Variants in ADAMTSL1 observed in about 807,000 individuals in gnomAD.
ADAMTSL1 encodes the protein ADAMTS-like protein 1.
Under a neutral mutation model 201.8 loss-of-function variants are expected in ADAMTSL1, and 126 were observed. The ratio of observed to expected loss-of-function variants is 0.62; its 90% confidence interval spans 0.54 to 0.72. ADAMTSL1 has a LOEUF of 0.72. Among genes scored for constraint, ADAMTSL1 ranks in the 30% least tolerant of loss-of-function variants. The pLI, the probability that ADAMTSL1 is intolerant of heterozygous loss-of-function variation, is 0.00. For missense variants in ADAMTSL1, 2,679 were observed against 2,277.8 expected (o/e 1.18, Z -3.59); for synonymous variants, 1,121 against 903.4 (o/e 1.24, Z -4.32).
intron 15 of ADAMTSL1, among the ~76,000 whole-genome samples, chr9:18,749,848 G>A (rs746627832): frequency 3.0e-4 from 46 of 152,216 alleles, no homozygotes; most frequent in Non-Finnish European, 8.8e-5. Flanking sequence ...TTTTATCAGG[G>A]CAGGCAGATA....
chr9:18,417,829 C>G (rs776732738), intron 2 of ADAMTSL1, among the ~76,000 whole-genome samples: 2 of 152,216 alleles, frequency 1.3e-5, no homozygotes, highest in African/African-American at 4.8e-5. Context: ...TACCCAATCT[C>G]TTCCAGCAGG....
chr9:18,269,007 G>C (rs1465978985), intron 2 of ADAMTSL1, among the ~76,000 whole-genome samples: 1 of 151,966 alleles, frequency 6.6e-6, no homozygotes, highest in Non-Finnish European at 1.5e-5. Context: ...ATTTCTTATA[G>C]TTTTGAAGTT....
At chr9:18,561,663 A>C (rs376611375) in intron 3 of ADAMTSL1, among the ~76,000 whole-genome samples, 14 of 152,294 alleles carry the variant, frequency 9.2e-5, no homozygotes, top group Admixed American at 8.5e-4. Flanking sequence ...GTGGGATTCT[A>C]AGTCTCTTTT....
chr9:18,474,752 C>T (rs191151726), intron 1 of ADAMTSL1, among the ~76,000 whole-genome samples: 1 of 152,242 alleles, frequency 6.6e-6, no homozygotes, highest in African/African-American at 2.4e-5. Flanking sequence ...TACTATGGAA[C>T]CAGGTAAAGA....
At chr9:18,692,429 A>C (rs892330172) in intron 13 of ADAMTSL1, among the ~76,000 whole-genome samples, 2 of 151,894 alleles carry the variant, frequency 1.3e-5, no homozygotes, top group African/African-American at 4.8e-5. Context: ...CTGTCACCGC[A>C]GTTGCTCGTT....
At chr9:18,448,958 T>A (rs1820303038) in intron 2 of ADAMTSL1, among the ~76,000 whole-genome samples, 1 of 152,114 alleles carries the variant, frequency 6.6e-6, no homozygotes, top group South Asian at 2.1e-4. Context: ...ATATAAATTT[T>A]TATACTATGC....
chr9:18,901,707 A>G (rs1588350894), intron 26 of ADAMTSL1, among the ~76,000 whole-genome samples: 3 of 152,204 alleles, frequency 2.0e-5, no homozygotes, highest in African/African-American at 7.2e-5. Context: ...CTATAAAAAA[A>G]CAACTAATCA....
At chr9:18,861,866 C>T (rs770474404) in intron 23 of ADAMTSL1, among the ~76,000 whole-genome samples, 2 of 152,298 alleles carry the variant, frequency 1.3e-5, no homozygotes, top group African/African-American at 2.4e-5. Context: ...GCTCTCATCC[C>T]TACTTCAGCT....
At chr9:18,592,396 A>G (rs1823981224) in intron 4 of ADAMTSL1, among the ~76,000 whole-genome samples, 1 of 152,166 alleles carries the variant, frequency 6.6e-6, no homozygotes, top group South Asian at 2.1e-4. Flanking sequence ...GTACCCACTT[A>G]TCAAGCTTTA....
intron 14 of ADAMTSL1, among the ~76,000 whole-genome samples, chr9:18,714,167 C>G (rs987332393): frequency 6.6e-6 from 1 of 152,054 alleles, no homozygotes; most frequent in Admixed American, 6.6e-5. Flanking sequence ...AAAATTGACA[C>G]CCTAACATCA....
chr9:18,310,544 G>C (rs1363374961), intron 2 of ADAMTSL1, among the ~76,000 whole-genome samples: 1 of 151,850 alleles, frequency 6.6e-6, no homozygotes, highest in Non-Finnish European at 1.5e-5. Flanking sequence ...GTGGGCAAAG[G>C]ATATGAACAG....
chr9:18,576,005 C>T (rs1166998467), intron 4 of ADAMTSL1, among the ~76,000 whole-genome samples: 1 of 152,026 alleles, frequency 6.6e-6, no homozygotes, highest in Non-Finnish European at 1.5e-5. Flanking sequence ...ATCTCAGTTG[C>T]TAAGGAATAA....
intron 2 of ADAMTSL1, among the ~76,000 whole-genome samples, chr9:18,446,648 G>T (rs1447235962): frequency 6.6e-6 from 1 of 152,194 alleles, no homozygotes; most frequent in Non-Finnish European, 1.5e-5. Flanking sequence ...AGGCATATTG[G>T]TCCTAGAACA....
intron 2 of ADAMTSL1, among the ~76,000 whole-genome samples, chr9:18,234,822 T>C (rs1830777809): frequency 6.6e-6 from 1 of 152,238 alleles, no homozygotes; most frequent in Admixed American, 6.5e-5. Context: ...CCCAGTCTAT[T>C]AAAAGTATCC....
chr9:18,132,966 G>A (rs1483945464), intron 1 of ADAMTSL1, among the ~76,000 whole-genome samples: 1 of 152,066 alleles, frequency 6.6e-6, no homozygotes, highest in Non-Finnish European at 1.5e-5. Flanking sequence ...AAGGAGGTAG[G>A]GTTTAGATTC....
chr9:17,919,738 T>C (rs1375732392), intron 1 of ADAMTSL1, among the ~76,000 whole-genome samples: 2 of 152,160 alleles, frequency 1.3e-5, no homozygotes, highest in Non-Finnish European at 2.9e-5. Context: ...GGTATTTGGA[T>C]TTTTCCCACT....
chr9:18,291,907 G>C (rs903027608), intron 2 of ADAMTSL1, among the ~76,000 whole-genome samples: 2 of 151,926 alleles, frequency 1.3e-5, no homozygotes, highest in African/African-American at 4.8e-5. Flanking sequence ...ATGCCTTTAC[G>C]CTTTGCAGCC....
intron 1 of ADAMTSL1, among the ~76,000 whole-genome samples, chr9:18,092,930 G>A (rs1824090870): frequency 6.6e-6 from 1 of 152,194 alleles, no homozygotes; most frequent in Admixed American, 6.6e-5. Context: ...CAACAAGTAG[G>A]AATATCTGGG....
chr9:18,366,700 A>G (rs990907533), intron 2 of ADAMTSL1, among the ~76,000 whole-genome samples: 9 of 126,100 alleles, frequency 7.1e-5, no homozygotes, highest in African/African-American at 2.8e-4. Context: ...CCCAGGCTGG[A>G]GTGCAGTGGC....
Sources: gnomAD v4.1 joint callset for allele counts (sites outside exome capture counted in the v4.1 genomes callset) on GRCh38, gnomAD v4.1.1 for gene constraint, MANE v1.5 for transcripts, NCBI Gene and HGNC (gene_info 2026-07-23, HGNC 2026-07-21) for gene names.